Variants in MAPK8IP3 observed in about 807,000 individuals in gnomAD.
MAPK8IP3 encodes the protein C-Jun-amino-terminal kinase-interacting protein 3.
In MAPK8IP3, 49 loss-of-function variants were observed where a neutral mutation model predicts 157.8. That is an observed-to-expected ratio of 0.31 (90% CI 0.25 to 0.39). The LOEUF is 0.39. MAPK8IP3 is among the 10% of genes least tolerant of loss of function. The probability of loss-of-function intolerance (pLI) is 1.00; values close to 1 mark genes in which losing one functional copy is unlikely to be tolerated. For synonymous variants in MAPK8IP3, 897 were observed against 777.7 expected, an observed-to-expected ratio of 1.15 and a Z score of -2.55; for missense variants, 1,478 against 1,889.4, an observed-to-expected ratio of 0.78 and a Z score of 4.04.
At position 1,712,286 on chromosome 16, in the gene MAPK8IP3, C is replaced by T. The variant is rs74648366; in HGVS notation, c.318+5629C>T. ...CCGTGTTAGCCAGGATGGTCTCGAT[C>T]TGCTGACCTCGTGATCCACCCATCT... is the stretch of plus-strand genomic sequence containing the variant. On this transcript the variant is annotated intron_variant, in intron 1 of 31. Transcript: ENST00000610761. Among the ~76,000 whole-genome samples the T allele has an allele frequency of 9.0e-4, 137 of 152,034 alleles. 4 individuals are homozygous for T. The East Asian group carries it at 0.024, about 27-fold the overall frequency.
intron 8 of MAPK8IP3, chr16:1,749,004 G>C (rs1567185222): frequency 2.0e-6 from 1 of 507,692 alleles, no homozygotes; most frequent in East Asian, 4.3e-5. Context: ...TCACCTCTAG[G>C]TTATGTTGTA....
chr16:1,768,296 C>G lies in MAPK8IP3; in HGVS notation c.3660C>G (p.Phe1220Leu). ...DDSSDRAASS[F>L]IPYCSMAQAQ... ...GCAGTGACAGGGCGGCCAGCAGCTT[C>G]ATCCCCTACTGCTCCATGGCCCAGG... Residue 1220 changes from phenylalanine to leucine, a missense_variant, in exon 30 of 32, where the codon TTC becomes TTG. By Grantham distance (22) the Phe-to-Leu change is conservative. Coordinates refer to ENST00000610761, the MANE Select transcript of MAPK8IP3 (RefSeq NM_001318852.2). 1 of 1,610,772 alleles carries G rather than the reference C, an allele frequency of 6.2e-7. No homozygotes were observed. Among genetic ancestry groups the G allele is most frequent in the East Asian group, 2.2e-5 (1 of 44,872 alleles).
rs755668664 is a variant in MAPK8IP3 at position 1,759,014 on chromosome 16, TC to T, written c.1246+21del. The T allele has an allele frequency of 1.9e-6, 3 of 1,614,070 alleles. No homozygotes were observed. The highest frequency in any genetic ancestry group is 2.5e-6 in the Non-Finnish European group (3 of 1,179,944). On this transcript the variant is annotated intron_variant, in intron 10 of 31. Transcript: ENST00000610761. ...TTCTTTGGTAAGGCTGAGGCCCCGT[TC>T]CAGCGTGCGTCGCTCCTCCACCCCG... is the stretch of plus-strand genomic sequence containing the variant.
intron 1 of MAPK8IP3, among the ~76,000 whole-genome samples, chr16:1,718,444 A>G (rs2038299569): frequency 6.6e-6 from 1 of 151,446 alleles, no homozygotes; most frequent in Non-Finnish European, 1.5e-5. Context: ...TCGGCCTCCT[A>G]AAGTGCTGGG....
intron 8 of MAPK8IP3, among the ~76,000 whole-genome samples, chr16:1,757,077 A>G (rs990777975): frequency 1.3e-5 from 2 of 150,734 alleles, no homozygotes; most frequent in African/African-American, 4.8e-5. Context: ...TTCCGATAAC[A>G]AACAGCCGTT....
chr16:1,761,060 G>A (rs989747937), intron 12 of MAPK8IP3, among the ~76,000 whole-genome samples, 164 bp from the exon 13 acceptor site: 15 of 152,328 alleles, frequency 9.8e-5, no homozygotes, highest in Middle Eastern at 3.4e-3. Context: ...TGGAAGAAGC[G>A]TTCAGGGCCC....
intron 28 of MAPK8IP3, 48 bp downstream of exon 28, chr16:1,767,966 A>G (rs1293447055): frequency 6.2e-7 from 1 of 1,606,842 alleles, no homozygotes; most frequent in African/African-American, 1.3e-5. Flanking sequence ...CCAGAGGTGT[A>G]CGTGGGTTCA....
In MAPK8IP3 at chr16:1,764,463, AG is replaced by A; in HGVS notation, c.2280+5del. 1 of 1,607,654 alleles carries A rather than the reference AG, an allele frequency of 6.2e-7. No homozygotes were observed. The highest frequency in any genetic ancestry group is 1.1e-5 in the South Asian group (1 of 90,278). On this transcript the variant is annotated splice_donor_5th_base_variant and intron_variant, in intron 19 of 31. Transcript: ENST00000610761. Reference sequence around the variant, plus strand: ...CACGTCTCCCGAGAAGAAGAAGGTGAGCATGGCCGAGGCCACCGGGCACCCT... The same window carrying A: ...CACGTCTCCCGAGAAGAAGAAGGTGACATGGCCGAGGCCACCGGGCACCCT...
chr16:1,738,916 A>G (rs1402439495), intron 4 of MAPK8IP3, among the ~76,000 whole-genome samples: 4 of 83,694 alleles, frequency 4.8e-5, no homozygotes, highest in Non-Finnish European at 6.7e-5. Context: ...TGTAGCATCC[A>G]TGTGTGTGAG....
chr16:1,711,264 C>T (rs929262819), intron 1 of MAPK8IP3, among the ~76,000 whole-genome samples: 1 of 152,238 alleles, frequency 6.6e-6, no homozygotes, highest in African/African-American at 2.4e-5. Flanking sequence ...TCAGGGGTCC[C>T]TGTGTCCTTG....
rs1325126419 is a variant in MAPK8IP3, at chr16:1,735,546, CGTGTGAGA to C, written c.602+5975_602+5982del. Among the ~76,000 whole-genome samples the C allele has an allele frequency of 7.4e-4, 87 of 117,248 alleles. 2 individuals carry two copies. Among genetic ancestry groups the C allele is most frequent in the Admixed American group, 2.1e-3 (23 of 11,148 alleles). 76.9% of individuals were successfully genotyped at this position (117,248 alleles called of 152,430 possible). On this transcript the variant is annotated intron_variant, in intron 4 of 31. Coordinates refer to ENST00000610761, the MANE Select transcript of MAPK8IP3 (RefSeq NM_001318852.2). ...CCGTGTGACCGTCCGTGTGAGCGTC[CGTGTGAGA>C]GTGTGACCGTCCATGTGAGAGTCCG...
chr16:1,736,996 G>GTC (rs2039971420), intron 4 of MAPK8IP3, among the ~76,000 whole-genome samples: 1 of 80,544 alleles, frequency 1.2e-5, no homozygotes, highest in African/African-American at 4.9e-5. Context: ...ATCCGTGTGA[G>GTC]CGTGTGACCG....
At chr16:1,744,966 C>T (rs2040879567) in intron 5 of MAPK8IP3, 1 of 983,728 alleles carries the variant, frequency 1.0e-6, no homozygotes, top group Non-Finnish European at 1.2e-6. Context: ...TTTTTATGTA[C>T]TGTATTTTCA....
chr16:1,739,990 GCA>G, intron 4 of MAPK8IP3, among the ~76,000 whole-genome samples: 2 of 132,024 alleles, frequency 1.5e-5, no homozygotes, highest in Non-Finnish European at 1.6e-5. Flanking sequence ...GTCCGTGTGA[GCA>G]TCCGTGTGAC....
chr16:1,735,895 C>G (rs1254471918), intron 4 of MAPK8IP3, among the ~76,000 whole-genome samples: 1 of 131,482 alleles, frequency 7.6e-6, no homozygotes, highest in African/African-American at 3.0e-5. Context: ...TGTGACTGTC[C>G]ATGTGAGCAT....
Position 1,709,844 on chromosome 16 carries a change from A to T in MAPK8IP3, c.318+3187A>T, listed in dbSNP as rs184124827. Among the ~76,000 whole-genome samples the T allele has an allele frequency of 2.8e-3, 434 of 152,330 alleles. 1 individual carries two copies. Among genetic ancestry groups the T allele is most frequent in the Non-Finnish European group, 5.1e-3 (350 of 68,036 alleles). On this transcript the variant is annotated intron_variant, in intron 1 of 31. Transcript: ENST00000610761. ...GAGGAAAAATAAGGTGTGAGAGATG[A>T]CATGTGAATATTAGTGGTCATTATT... is the stretch of plus-strand genomic sequence containing the variant.
At position 1,768,959 on chromosome 16, in the gene MAPK8IP3, G is replaced by A; in HGVS notation, c.*135G>A. The stretch of plus-strand genomic sequence containing the variant: ...AACCTGCAGCTTTCACCTGAGTCTG[G>A]CCCCTCCAGCGGGCAGGGAGTGCGG... On this transcript the variant is annotated 3_prime_UTR_variant, in exon 32 of 32. Transcript: ENST00000610761. 9.5e-7 allele frequency: 1 copy of A among 1,048,990 alleles called. No individual in the cohort carries two copies. Among genetic ancestry groups the A allele is most frequent in the East Asian group, 2.6e-5 (1 of 38,726 alleles). The allele number at this position is 1,048,990 out of a possible 1,614,324, so 65.0% of individuals were successfully genotyped here. A position where few individuals can be genotyped will look rare whatever the true frequency, so the allele number is the denominator to read the frequency against.
intron 1 of MAPK8IP3, among the ~76,000 whole-genome samples, chr16:1,709,412 G>T (rs1237052654): frequency 2.0e-5 from 3 of 152,234 alleles, no homozygotes; most frequent in Non-Finnish European, 4.4e-5. Flanking sequence ...GACTTTGCAA[G>T]TCAGTTTCAT....
chr16:1,756,809 G>A (rs2041627941), intron 8 of MAPK8IP3, among the ~76,000 whole-genome samples: 1 of 152,018 alleles, frequency 6.6e-6, no homozygotes, highest in African/African-American at 2.4e-5. Flanking sequence ...GCAACAGAGT[G>A]AGACCCCGTC....
Sources: gnomAD v4.1 joint callset for allele counts (sites outside exome capture counted in the v4.1 genomes callset) on GRCh38, gnomAD v4.1.1 for gene constraint, MANE v1.5 for transcripts, NCBI Gene and HGNC (gene_info 2026-07-23, HGNC 2026-07-21) for gene names.